The following BAK1 variants were observed in gnomAD, a reference collection of about 807,000 sequenced individuals.
The protein encoded by BAK1 is BCL2 antagonist/killer 1.
A neutral mutation model predicts 24.7 loss-of-function variants in BAK1; 19 were observed. That is an observed-to-expected ratio of 0.77 (90% confidence interval 0.54 to 1.13). BAK1 has a LOEUF of 1.13. Among genes scored for constraint, BAK1 ranks in the 50% most tolerant of loss-of-function variants. The pLI is 0.00. For missense variants in BAK1, 194 were observed against 279.4 expected, an observed-to-expected ratio of 0.69 and a Z score of 2.18; for synonymous variants, 86 against 107.3, an observed-to-expected ratio of 0.80 and a Z score of 1.23.
chr6:33,578,174 A>C lies in BAK1; in HGVS notation c.-31-539T>G, dbSNP rs1418469464. 6.6e-6 allele frequency among the ~76,000 whole-genome samples: 1 copy of C among 152,210 alleles called. No homozygotes were observed. Among genetic ancestry groups the C allele is most frequent in the Non-Finnish European group, 1.5e-5 (1 of 68,034 alleles). On this transcript the variant is annotated intron_variant, in intron 1 of 5. Coordinates refer to ENST00000374467, the MANE Select transcript of BAK1 (RefSeq NM_001188.4). This position sits in a 1 kb window ranked among gnomAD's most constrained non-coding sequence, Gnocchi z 4.8. Reference sequence around the variant, plus strand: ...CCAATGGCCCATGAAGGCTGTCCTCAGAGGCCCTACTTCCCTCTGGCTGGC... The same window carrying C: ...CCAATGGCCCATGAAGGCTGTCCTCCGAGGCCCTACTTCCCTCTGGCTGGC...
At chr6:33,574,957 A>G (rs1207420547) in intron 4 of BAK1, among the ~76,000 whole-genome samples, 5 of 152,208 alleles carry the variant, frequency 3.3e-5, no homozygotes, top group Non-Finnish European at 7.3e-5. Context: ...TCAGTGTGAT[A>G]TGTGGTTTCA....
intron 1 of BAK1, among the ~76,000 whole-genome samples, chr6:33,579,766 C>T (rs1223534564): frequency 1.3e-5 from 2 of 152,230 alleles, no homozygotes; most frequent in Non-Finnish European, 2.9e-5. Context: ...TTGGCTCTGA[C>T]CTCCACTCCC....
chr6:33,574,460 G>C, intron 4 of BAK1: 1 of 1,493,376 alleles, frequency 6.7e-7, no homozygotes, highest in Non-Finnish European at 8.9e-7. Flanking sequence ...GGGGCACAGA[G>C]AGGGCAGAGG....
At chr6:33,576,971 T>A (rs1762858898) in intron 2 of BAK1, among the ~76,000 whole-genome samples, 1 of 152,074 alleles carries the variant, frequency 6.6e-6, no homozygotes, top group South Asian at 2.1e-4. Flanking sequence ...GGAAACAAAA[T>A]CTGAATTTGT....
intron 2 of BAK1, among the ~76,000 whole-genome samples, chr6:33,576,738 G>A (rs1441324595): frequency 2.6e-5 from 4 of 151,992 alleles, no homozygotes; most frequent in Admixed American, 2.6e-4. Context: ...AGCTTATGCT[G>A]TGTGGAGAGT....
intron 2 of BAK1, among the ~76,000 whole-genome samples, chr6:33,576,998 AG>A (rs1045424645): frequency 6.6e-5 from 10 of 152,218 alleles, no homozygotes; most frequent in African/African-American, 2.2e-4. Flanking sequence ...GGCCCAGAAA[AG>A]TCACACAGGG....
At chr6:33,579,990 G>T (rs926361292) in intron 1 of BAK1, 35 bp downstream of exon 1, 2 of 152,146 alleles carry the variant, frequency 1.3e-5, no homozygotes, top group African/African-American at 4.8e-5. Context: ...GGGCTGCTGA[G>T]ATCTGGGAGG....
At position 33,574,155 on chromosome 6, in the gene BAK1, C is replaced by A. The variant is rs748982597; in HGVS notation, c.410G>T (p.Arg137Leu). ...RVVALLGFGYRLALHVYQHGL... is the reference protein window; with the variant it reads ...RVVALLGFGYLLALHVYQHGL... Reference sequence around the variant, plus strand: ...ATGCTGGTAGACGTGTAGGGCCAGACGGTAGCCGAAGCCCAGAAGAGCCAC... The same window carrying A: ...ATGCTGGTAGACGTGTAGGGCCAGAAGGTAGCCGAAGCCCAGAAGAGCCAC... The change falls in exon 5 of 6, where the codon CGT (arginine) becomes CTT (leucine). Residue 137 changes from arginine (R) to leucine (L), a missense_variant. Coordinates refer to ENST00000374467, the MANE Select transcript of BAK1 (RefSeq NM_001188.4). The A allele has an allele frequency of 1.3e-5, 21 of 1,613,744 alleles. No individual in the cohort carries two copies. The East Asian group carries it at 4.5e-4, about 34-fold the overall frequency.
At chr6:33,576,331 C>CAAAAA (rs11462912) in intron 2 of BAK1, among the ~76,000 whole-genome samples, 1 of 123,014 alleles carries the variant, frequency 8.1e-6, no homozygotes, top group Non-Finnish European at 1.7e-5. Flanking sequence ...AACTCTGTCT[C>CAAAAA]AAAAAAAAAA....
rs1762791235 is a variant in BAK1, at chr6:33,573,254, CTAGTAG to C, written c.*543_*548del. The C allele has an allele frequency of 6.5e-6, 1 of 153,846 alleles. No homozygotes were observed. The highest frequency in any genetic ancestry group is 2.4e-5 in the African/African-American group (1 of 41,258). 9.5% of individuals were successfully genotyped at this position (153,846 alleles called of 1,614,324 possible). A position where few individuals can be genotyped will look rare whatever the true frequency, so the allele number is the denominator to read the frequency against. On this transcript the variant is annotated 3_prime_UTR_variant, in exon 6 of 6. Coordinates refer to ENST00000374467, the MANE Select transcript of BAK1 (RefSeq NM_001188.4). ...TGAGCAGGACCTTGGCCCCCCTCTC[CTAGTAG>C]GTCCTGCTCCTGGGACACATGCTTA...
chr6:33,575,479 A>C lies in BAK1; in HGVS notation c.207-38T>G, dbSNP rs768589296. 6.2e-7 allele frequency: 1 copy of C among 1,612,092 alleles called. No homozygotes were observed. Among genetic ancestry groups the C allele is most frequent in the Non-Finnish European group, 8.5e-7 (1 of 1,179,882 alleles). On this transcript the variant is annotated intron_variant, in intron 3 of 5. Coordinates refer to ENST00000374467, the MANE Select transcript of BAK1 (RefSeq NM_001188.4). The surrounding 1 kb of genome is among the most constrained non-coding windows in gnomAD (Gnocchi z 6.3). ...GAGGCATGCAGGTGAGCCAGTAACC[A>C]GGCAGTCGGGACCAGGCCCTGGCTC...
chr6:33,577,327 C>T lies in BAK1; in HGVS notation c.70+208G>A, dbSNP rs1380796460. On this transcript the variant is annotated intron_variant, in intron 2 of 5. Transcript: ENST00000374467. The surrounding 1 kb of genome is among the most constrained non-coding windows in gnomAD (Gnocchi z 4.6). Reference sequence around the variant, plus strand: ...ACACTCACTTCCTGGCCTCTCCCAACCTCCAGGCCCTCCCCAGTCCAGACT... The same window carrying T: ...ACACTCACTTCCTGGCCTCTCCCAATCTCCAGGCCCTCCCCAGTCCAGACT... 2.0e-5 allele frequency among the ~76,000 whole-genome samples: 3 copies of T among 152,192 alleles called. No homozygotes were observed. Among genetic ancestry groups the T allele is most frequent in the Admixed American group, 2.0e-4 (3 of 15,280 alleles).
chr6:33,575,746 A>ATGGGTCCTCC lies in BAK1; in HGVS notation c.206+46_206+47insGGAGGACCCA. 2 of 1,601,962 alleles carry ATGGGTCCTCC rather than the reference A, an allele frequency of 1.2e-6. No homozygotes were observed. The highest frequency in any genetic ancestry group is 1.7e-6 in the Non-Finnish European group (2 of 1,173,218). ...ACCTGCACAGAGACCCATGCGAGCT[A>ATGGGTCCTCC]CTGCCTCCCTGAAGATGTCCTTGTG... On this transcript the variant is annotated intron_variant, in intron 3 of 5. Coordinates refer to ENST00000374467, the MANE Select transcript of BAK1 (RefSeq NM_001188.4). This position sits in a 1 kb window ranked among gnomAD's most constrained non-coding sequence, Gnocchi z 6.3.
chr6:33,579,511 G>A (rs1237448739), intron 1 of BAK1, among the ~76,000 whole-genome samples: 3 of 152,082 alleles, frequency 2.0e-5, no homozygotes, highest in Admixed American at 6.5e-5. Flanking sequence ...CCAGGCTTCC[G>A]AGGGGAGCAG....
At chr6:33,576,602 C>A (rs1241883960) in intron 2 of BAK1, among the ~76,000 whole-genome samples, 1 of 151,042 alleles carries the variant, frequency 6.6e-6, no homozygotes, top group Non-Finnish European at 1.5e-5. Context: ...CACTGCACTC[C>A]AGCCTGGGCA....
chr6:33,574,971 T>G (rs1561831057), intron 4 of BAK1, among the ~76,000 whole-genome samples: 1 of 152,142 alleles, frequency 6.6e-6, no homozygotes, highest in Non-Finnish European at 1.5e-5. Flanking sequence ...GGTTTCAAAT[T>G]GGAACTATGA....
At position 33,573,860 on chromosome 6, in the gene BAK1, C is replaced by G. The variant is rs770817553; in HGVS notation, c.579G>C (p.Val193=). The part of the protein sequence containing the change: ...LGNGPILNVL[V]VLGVVLLGQF... ...GGCCCAACAGAACCACACCCAGAAC[C>G]ACCAGCACGTTCAGGATGGGACCAT... is the stretch of plus-strand genomic sequence containing the variant. Residue 193 remains valine, a synonymous_variant, in exon 6 of 6, where the codon GTG becomes GTC. Coordinates refer to ENST00000374467, the MANE Select transcript of BAK1 (RefSeq NM_001188.4). 17 of 1,614,216 alleles carry G rather than the reference C, an allele frequency of 1.1e-5. No homozygotes were observed. The highest frequency in any genetic ancestry group is 3.3e-4 in the Middle Eastern group (2 of 6,062).
chr6:33,575,107 G>A lies in BAK1; in HGVS notation c.350+191C>T, dbSNP rs1302103912. The A allele has an allele frequency of 1.2e-6, 1 of 803,264 alleles. No individual in the cohort carries two copies. The highest frequency in any genetic ancestry group is 1.7e-5 in the African/African-American group (1 of 58,668). The allele number at this position is 803,264 out of a possible 1,614,324, so 49.8% of individuals were successfully genotyped here. On this transcript the variant is annotated intron_variant, in intron 4 of 5. Transcript: ENST00000374467. This position sits in a 1 kb window ranked among gnomAD's most constrained non-coding sequence, Gnocchi z 6.3. ...GAGCTCAAAAGAGCTGTGAGCTAATGCCCAAAATACAAGTCTGGGACCCCG... is the reference window on the plus strand; with the variant it reads ...GAGCTCAAAAGAGCTGTGAGCTAATACCCAAAATACAAGTCTGGGACCCCG...
rs778565612 is a variant in BAK1 at position 33,573,795 on chromosome 6, C to T, written c.*8G>A. On this transcript the variant is annotated 3_prime_UTR_variant, in exon 6 of 6. Transcript: ENST00000374467. ...CTGAACCGGGACCCCAAAGGGCACC[C>T]TTGGGAGTCATGATTTGAAGAATCT... 5 of 1,610,730 alleles carry T rather than the reference C, an allele frequency of 3.1e-6. No individual in the cohort carries two copies. Among genetic ancestry groups the T allele is most frequent in the Non-Finnish European group, 4.2e-6 (5 of 1,176,870 alleles).
Sources: gnomAD v4.1 joint callset for allele counts (sites outside exome capture counted in the v4.1 genomes callset) on GRCh38, gnomAD v4.1.1 for gene constraint, Gnocchi (gnomAD v3.1) non-coding constraint, MANE v1.5 for transcripts, NCBI Gene and HGNC (gene_info 2026-07-23, HGNC 2026-07-21) for gene names.